The following CDIN1 variants were observed in gnomAD, a reference collection of about 807,000 sequenced individuals.
The protein encoded by CDIN1 is CDAN1 interacting nuclease 1.
CDIN1 carries 33 observed loss-of-function variants against 45.3 expected under a neutral mutation model. The observed-to-expected ratio is 0.73, with a 90% CI of 0.55 to 0.97. The LOEUF (loss-of-function observed/expected upper bound fraction) is 0.97. CDIN1 is among the 50% of genes least tolerant of loss of function. The pLI is 0.00. For missense variants in CDIN1, 303 were observed against 339.4 expected (o/e 0.89, Z 0.84); for synonymous variants, 118 against 124.4 (o/e 0.95, Z 0.34).
At chr15:36,757,457 G>A (rs1364154634) in intron 10 of CDIN1, among the ~76,000 whole-genome samples, 6 of 152,140 alleles carry the variant, frequency 3.9e-5, no homozygotes, top group African/African-American at 9.7e-5. Flanking sequence ...TTTCTAGTCC[G>A]AGGTTTTGCT....
intron 1 of CDIN1, among the ~76,000 whole-genome samples, chr15:36,593,101 C>A (rs984803792): frequency 1.3e-5 from 2 of 152,132 alleles, no homozygotes; most frequent in South Asian, 4.1e-4. Flanking sequence ...ATGATTAGCA[C>A]GGTTCCTGAT....
chr15:36,699,239 T>C (rs981344289), intron 8 of CDIN1, among the ~76,000 whole-genome samples: 2 of 151,600 alleles, frequency 1.3e-5, no homozygotes, highest in Admixed American at 1.3e-4. Context: ...CATATGTTTG[T>C]GGTTGAAAAA....
chr15:36,698,943 A>G (rs1002875088), intron 8 of CDIN1, among the ~76,000 whole-genome samples: 38 of 152,208 alleles, frequency 2.5e-4, no homozygotes, highest in African/African-American at 8.9e-4. Flanking sequence ...TAGATTCACC[A>G]TGGCTGACAA....
intron 1 of CDIN1, among the ~76,000 whole-genome samples, chr15:36,599,065 T>C (rs2037976320): frequency 6.6e-6 from 1 of 152,088 alleles, no homozygotes; most frequent in South Asian, 2.1e-4. Flanking sequence ...TGCTTATTTT[T>C]ATGATCTCTT....
intron 10 of CDIN1, among the ~76,000 whole-genome samples, chr15:36,771,994 G>A (rs1188254051): frequency 6.6e-6 from 1 of 151,692 alleles, no homozygotes; most frequent in Non-Finnish European, 1.5e-5. Context: ...GAATTCTGTA[G>A]TCCTGTGCAT....
At chr15:36,646,644 G>T (rs943305144) in intron 3 of CDIN1, among the ~76,000 whole-genome samples, 1 of 131,332 alleles carries the variant, frequency 7.6e-6, no homozygotes, top group Non-Finnish European at 1.6e-5. Context: ...CTTCAAAGAA[G>T]CACTGAAGGT....
intron 10 of CDIN1, among the ~76,000 whole-genome samples, chr15:36,766,248 A>G (rs1205236786): frequency 6.6e-6 from 1 of 152,032 alleles, no homozygotes; most frequent in Non-Finnish European, 1.5e-5. Context: ...TTTCTTTTTT[A>G]AGCCTGAATA....
intron 5 of CDIN1, among the ~76,000 whole-genome samples, chr15:36,681,194 G>T (rs1214660328): frequency 6.6e-6 from 1 of 151,768 alleles, no homozygotes; most frequent in Non-Finnish European, 1.5e-5. Flanking sequence ...AATAAATAAA[G>T]GTATAGAATT....
chr15:36,704,742 A>G (rs1225183062), intron 8 of CDIN1: 3 of 152,232 alleles, frequency 2.0e-5, no homozygotes, highest in African/African-American at 7.2e-5. Context: ...ATTTTAGAAA[A>G]CTTTTTACAA....
At chr15:36,601,093 A>C (rs1329555767) in intron 1 of CDIN1, among the ~76,000 whole-genome samples, 1 of 151,756 alleles carries the variant, frequency 6.6e-6, no homozygotes, top group African/African-American at 2.4e-5. Flanking sequence ...GGTTCCTTTC[A>C]GAGTTTACTT....
At chr15:36,634,439 A>G (rs533776936) in intron 1 of CDIN1, among the ~76,000 whole-genome samples, 2 of 152,228 alleles carry the variant, frequency 1.3e-5, no homozygotes, top group South Asian at 4.1e-4. Context: ...AACAACAACA[A>G]AAAGTTTTAT....
intron 10 of CDIN1, among the ~76,000 whole-genome samples, chr15:36,796,878 T>G (rs999338327): frequency 1.3e-5 from 2 of 152,268 alleles, no homozygotes; most frequent in African/African-American, 4.8e-5. Context: ...AAAGTTGACC[T>G]TTGAAGTTCA....
At chr15:36,672,174 A>G (rs1487003503) in intron 5 of CDIN1, among the ~76,000 whole-genome samples, 4 of 152,026 alleles carry the variant, frequency 2.6e-5, no homozygotes, top group Non-Finnish European at 5.9e-5. Context: ...GGGAGAAAAC[A>G]GTTTTTTGTA....
chr15:36,625,595 A>G (rs1221650716), intron 1 of CDIN1, among the ~76,000 whole-genome samples: 3 of 152,202 alleles, frequency 2.0e-5, no homozygotes, highest in Non-Finnish European at 4.4e-5. Context: ...ATAAAACCCA[A>G]CATATGTAGC....
At chr15:36,765,725 A>T (rs1243096393) in intron 10 of CDIN1, among the ~76,000 whole-genome samples, 1 of 152,170 alleles carries the variant, frequency 6.6e-6, no homozygotes, top group Non-Finnish European at 1.5e-5. Context: ...AGCCTTGTTG[A>T]GATATAATTG....
In CDIN1 at chr15:36,701,865, T is replaced by C. The variant is rs932415959; in HGVS notation, c.544+4475T>C. 5 of 567,894 alleles carry C rather than the reference T, an allele frequency of 8.8e-6. No homozygotes were observed. In the African/African-American group the frequency reaches 9.4e-5, roughly 11 times the overall value. 35.2% of individuals were successfully genotyped at this position (567,894 alleles called of 1,614,324 possible). On this transcript the variant is annotated intron_variant, in intron 8 of 10. Coordinates refer to ENST00000566621, the MANE Select transcript of CDIN1 (RefSeq NM_001321759.2). ...AGAGAGTATAATCTGTAAAGCCAAATAGGCTTAGTGAAGGATGTCCCTTGT... is the reference window on the plus strand; with the variant it reads ...AGAGAGTATAATCTGTAAAGCCAAACAGGCTTAGTGAAGGATGTCCCTTGT...
intron 10 of CDIN1, among the ~76,000 whole-genome samples, chr15:36,791,679 C>G (rs1210026262): frequency 6.6e-6 from 1 of 152,016 alleles, no homozygotes; most frequent in Non-Finnish European, 1.5e-5. Context: ...TTGGACTCAA[C>G]CAGTTCTCAT....
intron 10 of CDIN1, among the ~76,000 whole-genome samples, chr15:36,787,476 T>C (rs1323659303): frequency 6.6e-6 from 1 of 152,218 alleles, no homozygotes; most frequent in African/African-American, 2.4e-5. Context: ...AAGGACTACT[T>C]TTCTAGCCCT....
intron 1 of CDIN1, among the ~76,000 whole-genome samples, chr15:36,612,853 A>T (rs571748048): frequency 6.6e-6 from 1 of 152,320 alleles, no homozygotes; most frequent in African/African-American, 2.4e-5. Context: ...TTTAGTCTGG[A>T]CATAAACATC....
Sources: allele counts gnomAD v4.1 joint callset (sites outside exome capture counted in the v4.1 genomes callset), GRCh38; gene constraint gnomAD v4.1.1; transcripts MANE v1.5; gene names NCBI Gene and HGNC (gene_info 2026-07-23, HGNC 2026-07-21).